SPTAN1: variants seen among roughly 807,000 people sequenced by gnomAD.
The protein encoded by SPTAN1 is spectrin alpha, non-erythrocytic 1, also known as spectrin alpha chain, non-erythrocytic 1.
A neutral mutation model predicts 331.3 loss-of-function variants in SPTAN1; 61 were observed. The ratio of observed to expected loss-of-function variants is 0.18; its 90% CI spans 0.15 to 0.23. The LOEUF is 0.23. Among genes scored for constraint, SPTAN1 ranks in the 10% least tolerant of loss-of-function variants. SPTAN1 has a pLI of 1.00. For synonymous variants in SPTAN1, 1,153 were observed against 1,173.9 expected, an observed-to-expected ratio of 0.98 and a Z score of 0.36; for missense variants, 2,043 against 3,147.9, an observed-to-expected ratio of 0.65 and a Z score of 8.40.
At chr9:128,561,218 C>T (rs984810703) in intron 1 of SPTAN1, among the ~76,000 whole-genome samples, 2 of 150,444 alleles carry the variant, frequency 1.3e-5, no homozygotes, top group African/African-American at 2.4e-5. Context: ...AAGAGAAATA[C>T]AAAAATTAGC....
intron 41 of SPTAN1, among the ~76,000 whole-genome samples, chr9:128,616,702 G>A (rs1194701323): frequency 6.6e-6 from 1 of 151,816 alleles, no homozygotes; most frequent in Non-Finnish European, 1.5e-5. Flanking sequence ...GGGAGGCGGA[G>A]GTTGCAATGA....
chr9:128,594,429 A>ATTTTTTTTT (rs10679469), intron 24 of SPTAN1, 56 bp downstream of exon 24: 70 of 760,070 alleles, frequency 9.2e-5, no homozygotes, highest in Admixed American at 1.3e-4. Context: ...GAGTCTCTTG[A>ATTTTTTTTT]TTTTTTTTTT....
At chr9:128,584,963 C>T in intron 18 of SPTAN1, 120 bp downstream of exon 18, 1 of 1,154,956 alleles carries the variant, frequency 8.7e-7, no homozygotes, top group Non-Finnish European at 1.3e-6. Flanking sequence ...CATCCCCATT[C>T]TTTCCTAACT....
At chr9:128,616,216 C>T (rs907679459) in intron 41 of SPTAN1, among the ~76,000 whole-genome samples, 1 of 151,452 alleles carries the variant, frequency 6.6e-6, no homozygotes, top group South Asian at 2.1e-4. Flanking sequence ...GGCAGGTAAA[C>T]AAACATTTTT....
intron 3 of SPTAN1, among the ~76,000 whole-genome samples, chr9:128,572,331 A>G (rs1850821720): frequency 9.2e-6 from 1 of 108,282 alleles, no homozygotes; most frequent in Non-Finnish European, 1.8e-5. Flanking sequence ...ATGTTTATGA[A>G]GTGCACCTGC....
chr9:128,615,266 TAA>T (rs1414905956), intron 40 of SPTAN1, among the ~76,000 whole-genome samples: 3 of 152,158 alleles, frequency 2.0e-5, no homozygotes, highest in African/African-American at 7.2e-5. Flanking sequence ...TCAGTAAAAT[TAA>T]CTTTCACTGC....
intron 52 of SPTAN1, among the ~76,000 whole-genome samples, chr9:128,631,160 T>C (rs926379574): frequency 6.6e-6 from 1 of 151,860 alleles, no homozygotes; most frequent in Non-Finnish European, 1.5e-5. Context: ...CTCTTCACTT[T>C]AAAGAAAGTC....
At chr9:128,620,506 C>G (rs1402268731) in intron 44 of SPTAN1, among the ~76,000 whole-genome samples, 1 of 152,142 alleles carries the variant, frequency 6.6e-6, no homozygotes, top group East Asian at 1.9e-4. Flanking sequence ...CACCTGAGGT[C>G]AGGAGTCCGA....
rs1392778253 is a variant in SPTAN1, at chr9:128,588,724, C to G, written c.2872-85C>G. 4 of 1,571,026 alleles carry G rather than the reference C, an allele frequency of 2.5e-6. No individual in the cohort carries two copies. The Admixed American group carries it at 6.7e-5, about 26-fold the overall frequency. ...TGTATATTTGGTACATTTGGTACAG[C>G]TGGTGGCATTTGAATCTGCTCTGTA... On this transcript the variant is annotated intron_variant, in intron 20 of 56. Transcript: ENST00000372739.
rs1859806209 is a variant in SPTAN1, at chr9:128,631,906, C to T, written c.6763-221C>T. 1.9e-5 allele frequency: 11 copies of T among 586,428 alleles called. No homozygotes were observed. The East Asian group carries it at 2.9e-4, about 15-fold the overall frequency. 36.3% of individuals were successfully genotyped at this position (586,428 alleles called of 1,614,324 possible). A position where few individuals can be genotyped will look rare whatever the true frequency, so the allele number is the denominator to read the frequency against. Reference sequence around the variant, plus strand: ...GTGCACTGCCCTCTGGCAGGTCTACCAGCTGCTTTGGAACCCTCACATTGA... The same window carrying T: ...GTGCACTGCCCTCTGGCAGGTCTACTAGCTGCTTTGGAACCCTCACATTGA... On this transcript the variant is annotated intron_variant, in intron 52 of 56. Coordinates refer to ENST00000372739, the MANE Select transcript of SPTAN1 (RefSeq NM_001130438.3).
intron 3 of SPTAN1, among the ~76,000 whole-genome samples, chr9:128,572,103 G>T (rs979066267): frequency 1.3e-5 from 2 of 152,082 alleles, no homozygotes; most frequent in African/African-American, 4.8e-5. Context: ...CAAGCAATCC[G>T]CCTGCCTCGG....
chr9:128,556,871 TTGATC>T (rs1848694751), intron 1 of SPTAN1, among the ~76,000 whole-genome samples: 1 of 152,238 alleles, frequency 6.6e-6, no homozygotes, highest in African/African-American at 2.4e-5. Context: ...TTAATTTTGT[TTGATC>T]TGAGAATCAA....
At chr9:128,581,468 G>A (rs1487444567) in intron 11 of SPTAN1, among the ~76,000 whole-genome samples, 4 of 77,670 alleles carry the variant, frequency 5.1e-5, no homozygotes, top group African/African-American at 1.4e-4. Context: ...CCGAGATCCT[G>A]TCTCACAAAA....
chr9:128,613,165 AGACT>A (rs1856760923), intron 39 of SPTAN1, among the ~76,000 whole-genome samples: 1 of 152,186 alleles, frequency 6.6e-6, no homozygotes, highest in Non-Finnish European at 1.5e-5. Flanking sequence ...TACTATGAAT[AGACT>A]CTGGAGTCTA....
chr9:128,605,813 G>A (rs368593108), intron 31 of SPTAN1, among the ~76,000 whole-genome samples: 18 of 152,258 alleles, frequency 1.2e-4, no homozygotes, highest in East Asian at 1.2e-3. Context: ...CCAACATGGC[G>A]AAATGCCGTC....
rs1388227878 is a variant in SPTAN1, at chr9:128,598,919, G to A, written c.3520-44G>A. On this transcript the variant is annotated intron_variant, in intron 25 of 56. Transcript: ENST00000372739. Reference sequence around the variant, plus strand: ...CATAATAAGTATTCTTGAGAGATGTGTATTTCTTCTAATAATAAAACTGGT... The same window carrying A: ...CATAATAAGTATTCTTGAGAGATGTATATTTCTTCTAATAATAAAACTGGT... 4 of 1,571,266 alleles carry A rather than the reference G, an allele frequency of 2.5e-6. No homozygotes were observed. In the African/African-American group the frequency reaches 4.1e-5, roughly 16 times the overall value.
chr9:128,564,420 GAA>G (rs112177902), intron 1 of SPTAN1, among the ~76,000 whole-genome samples: 3 of 134,528 alleles, frequency 2.2e-5, no homozygotes, highest in Non-Finnish European at 3.2e-5. Flanking sequence ...GTCCTTCTCA[GAA>G]AAAAAAAAAA....
intron 56 of SPTAN1, 117 bp from the exon 57 acceptor site, chr9:128,633,092 A>C (rs924900901): frequency 3.4e-5 from 54 of 1,594,438 alleles, no homozygotes; most frequent in Non-Finnish European, 4.4e-5. Flanking sequence ...TATGGACAGA[A>C]GTCCCGGATC....
intron 24 of SPTAN1, among the ~76,000 whole-genome samples, chr9:128,595,706 C>A (rs1854182362): frequency 6.6e-6 from 1 of 152,156 alleles, no homozygotes; most frequent in African/African-American, 2.4e-5. Context: ...CATTCATTTG[C>A]CATTCTCCCT....
Sources: allele counts gnomAD v4.1 joint callset (sites outside exome capture counted in the v4.1 genomes callset), GRCh38; gene constraint gnomAD v4.1.1; transcripts MANE v1.5; gene names NCBI Gene and HGNC (gene_info 2026-07-23, HGNC 2026-07-21).